Variants in AGR3 observed in about 807,000 individuals in gnomAD.
AGR3 encodes the protein anterior gradient protein 3.
Under a neutral mutation model 24.5 loss-of-function variants are expected in AGR3, and 37 were observed. The ratio of observed to expected loss-of-function variants is 1.51; its 90% confidence interval spans 1.16 to 1.99. AGR3 has a LOEUF of 1.99. Among genes scored for constraint, AGR3 ranks in the 30% most tolerant of loss-of-function variants. The probability of loss-of-function intolerance (pLI) is 0.00; values close to 1 mark genes in which losing one functional copy is unlikely to be tolerated. For missense variants in AGR3, 228 were observed against 191.1 expected (o/e 1.19, Z -1.14); for synonymous variants, 75 against 61.6 (o/e 1.22, Z -1.02).
chr7:16,861,627 A>T (rs896750062), intron 5 of AGR3, among the ~76,000 whole-genome samples, 180 bp from the exon 6 acceptor site: 1 of 152,186 alleles, frequency 6.6e-6, no homozygotes, highest in Non-Finnish European at 1.5e-5. Flanking sequence ...GAGGCTGGGC[A>T]TGGTGGCTCA....
chr7:16,874,907 AG>A (rs1304100942), intron 2 of AGR3, among the ~76,000 whole-genome samples: 1 of 152,104 alleles, frequency 6.6e-6, no homozygotes, highest in African/African-American at 2.4e-5. Context: ...ATTTGAGGTC[AG>A]GAGTTCAAGA....
At chr7:16,864,147 G>A (rs951395146) in intron 3 of AGR3, 1 of 572,518 alleles carries the variant, frequency 1.7e-6, no homozygotes. Flanking sequence ...CTACAGGAAC[G>A]GAGAATTAAC....
intron 3 of AGR3, among the ~76,000 whole-genome samples, chr7:16,872,361 A>G (rs1238321605): frequency 2.6e-5 from 4 of 152,194 alleles, no homozygotes; most frequent in Admixed American, 6.5e-5. Context: ...TGGGGAAAGG[A>G]CACCCTCTTC....
chr7:16,858,786 G>A (rs372084011), downstream of AGR3, among the ~76,000 whole-genome samples: 98 of 152,136 alleles, frequency 6.4e-4, 1 homozygote, highest in East Asian at 7.4e-3. Flanking sequence ...CAGGAGAATC[G>A]CTTGAACGGG....
At chr7:16,860,099 GA>G (rs11374842) in intron 7 of AGR3, among the ~76,000 whole-genome samples, 2 of 149,888 alleles carry the variant, frequency 1.3e-5, no homozygotes, top group African/African-American at 2.5e-5. Context: ...CTACAAAAAA[GA>G]AAAAAAAAGG....
intron 3 of AGR3, among the ~76,000 whole-genome samples, chr7:16,862,954 C>T (rs752611404): frequency 1.2e-4 from 18 of 152,160 alleles, no homozygotes; most frequent in Admixed American, 8.5e-4. Context: ...GCCTGTAGTC[C>T]CAGCTGCTCT....
chr7:16,861,134 C>G (rs1347140859), intron 6 of AGR3, among the ~76,000 whole-genome samples: 3 of 152,170 alleles, frequency 2.0e-5, no homozygotes, highest in African/African-American at 7.2e-5. Flanking sequence ...TCAATCTAGT[C>G]TGGGGCACTG....
At chr7:16,865,914 T>C (rs532675161) in intron 3 of AGR3, 12 of 710,604 alleles carry the variant, frequency 1.7e-5, no homozygotes, top group African/African-American at 1.6e-4. Flanking sequence ...ATTAATAAAA[T>C]AGATCCATCC....
At chr7:16,869,679 T>TTTTG (rs1781828615) in intron 3 of AGR3, among the ~76,000 whole-genome samples, 1 of 146,090 alleles carries the variant, frequency 6.8e-6, no homozygotes, top group African/African-American at 2.5e-5. Context: ...GTTTGTTTTT[T>TTTTG]TTTTTTTTTT....
intron 3 of AGR3, among the ~76,000 whole-genome samples, chr7:16,870,037 T>A (rs1443402038): frequency 1.3e-5 from 2 of 152,120 alleles, no homozygotes; most frequent in East Asian, 3.9e-4. Context: ...GGCATTTTTA[T>A]GATGTTAAGT....
At chr7:16,865,819 A>T in intron 3 of AGR3, 1 of 746,402 alleles carries the variant, frequency 1.3e-6, no homozygotes, top group Admixed American at 1.8e-5. Context: ...GTAAAACTGG[A>T]TTAATCCACT....
At chr7:16,871,231 T>C (rs1781857910) in intron 3 of AGR3, among the ~76,000 whole-genome samples, 1 of 152,218 alleles carries the variant, frequency 6.6e-6, no homozygotes, top group Non-Finnish European at 1.5e-5. Flanking sequence ...ATAATACTGC[T>C]TTGTTTATAC....
chr7:16,868,280 C>T (rs1336079336), intron 3 of AGR3, among the ~76,000 whole-genome samples: 2 of 151,932 alleles, frequency 1.3e-5, no homozygotes, highest in African/African-American at 2.4e-5. Flanking sequence ...CTCAGACTCC[C>T]GAGTAGCTGG....
chr7:16,877,209 AAT>A (rs2115316807), intron 2 of AGR3, among the ~76,000 whole-genome samples: 1 of 148,014 alleles, frequency 6.8e-6, no homozygotes, highest in African/African-American at 2.5e-5. Flanking sequence ...GAAATTATAT[AAT>A]ATATATTTAT....
rs567624244 is a variant in AGR3 at position 16,873,975 on chromosome 7, A to G, written c.110-132T>C. On this transcript the variant is annotated intron_variant, in intron 2 of 7. Coordinates refer to ENST00000310398, the MANE Select transcript of AGR3 (RefSeq NM_176813.5). ...CAAGCTGTTGGCTGACATATGGTGC[A>G]GAGGACACACAATTTTCACAAGATA... 157 of 721,604 alleles carry G rather than the reference A, an allele frequency of 2.2e-4. No homozygotes were observed. In the South Asian group the frequency reaches 2.5e-3, roughly 12 times the overall value. The allele number at this position is 721,604 out of a possible 1,614,324, so 44.7% of individuals were successfully genotyped here. A position where few individuals can be genotyped will look rare whatever the true frequency, so the allele number is the denominator to read the frequency against.
intron 2 of AGR3, among the ~76,000 whole-genome samples, chr7:16,877,109 T>C (rs188915013): frequency 3.7e-4 from 56 of 151,830 alleles, no homozygotes; most frequent in African/African-American, 1.3e-3. Flanking sequence ...TTAATTAGCT[T>C]AGGTAAACAT....
In AGR3 at chr7:16,860,563, C is replaced by A. The variant is rs1159750145; in HGVS notation, c.388G>T (p.Ala130Ser). The change falls in exon 7 of 8, where the codon GCT becomes TCT. Residue 130 changes from alanine (A) to serine (S), a missense_variant. Ala to Ser is a moderately conservative substitution (Grantham distance 99). Coordinates refer to ENST00000310398, the MANE Select transcript of AGR3 (RefSeq NM_176813.5). Reference sequence around the variant, plus strand: ...TTAGAGTATCTTCCAGCTATGTCAGCTCTAACTGTTAAAGAAGGGTCTGTC... The same window carrying A: ...TTAGAGTATCTTCCAGCTATGTCAGATCTAACTGTTAAAGAAGGGTCTGTC... ...MFVDPSLTVRADIAGRYSNRL... is the reference protein window; with the variant it reads ...MFVDPSLTVRSDIAGRYSNRL... The A allele has an allele frequency of 5.0e-6, 8 of 1,613,308 alleles. No homozygotes were observed. The African/African-American group carries it at 9.3e-5, about 19-fold the overall frequency.
At chr7:16,867,184 C>T (rs1212521964) in intron 3 of AGR3, among the ~76,000 whole-genome samples, 1 of 152,038 alleles carries the variant, frequency 6.6e-6, no homozygotes, top group Non-Finnish European at 1.5e-5. Context: ...TTATATCTTT[C>T]TAATTTATTT....
intron 3 of AGR3, chr7:16,873,327 A>C (rs1017581541): frequency 1.3e-5 from 2 of 153,956 alleles, no homozygotes; most frequent in African/African-American, 4.8e-5. Flanking sequence ...GTTAAGTGAA[A>C]TAAGTCAGAT....
Sources: allele counts gnomAD v4.1 joint callset (sites outside exome capture counted in the v4.1 genomes callset), GRCh38; gene constraint gnomAD v4.1.1; transcripts MANE v1.5; gene names NCBI Gene and HGNC (gene_info 2026-07-23, HGNC 2026-07-21).